Variants in CDH26 observed in about 807,000 individuals in gnomAD.
CDH26 encodes cadherin-like protein 26.
Under a neutral mutation model 90.3 loss-of-function variants are expected in CDH26, and 83 were observed. That is an observed-to-expected ratio of 0.92 (90% confidence interval 0.77 to 1.10). The LOEUF (loss-of-function observed/expected upper bound fraction) is 1.10. Among genes scored for constraint, CDH26 ranks in the 50% least tolerant of loss-of-function variants. CDH26 has a pLI of 0.00. For synonymous variants in CDH26, 397 were observed against 396.3 expected, an observed-to-expected ratio of 1.00 and a Z score of -0.02; for missense variants, 1,013 against 1,037.6, an observed-to-expected ratio of 0.98 and a Z score of 0.33.
At chr20:59,967,929 C>T (rs1311288602) in intron 1 of CDH26, among the ~76,000 whole-genome samples, 2 of 129,406 alleles carry the variant, frequency 1.5e-5, no homozygotes, top group African/African-American at 6.5e-5. Flanking sequence ...CTTTCCTTTC[C>T]TTTCCCTTTC....
rs775022806 is a variant in CDH26 at position 59,999,589 on chromosome 20, T to C, written c.2023T>C (p.Trp675Arg). The C allele has an allele frequency of 1.9e-6, 3 of 1,613,852 alleles. No individual in the cohort carries two copies. The highest frequency in any genetic ancestry group is 8.5e-7 in the Non-Finnish European group (1 of 1,179,754). ...TTTCTTTCTCTGTGTTCTACAGACA[T>C]GGTCAGATGTTGAAGGCCAGAGGCC... Reference protein sequence around the residue: ...AESKGTSAQTWSDVEGQRPAL... With the variant: ...AESKGTSAQTRSDVEGQRPAL... The change falls in exon 14 of 18, where the codon TGG becomes CGG. Residue 675 changes from tryptophan to arginine, a missense_variant. By Grantham distance (101) the Trp-to-Arg change is moderately radical (BLOSUM62 -3). Transcript: ENST00000348616.
intron 17 of CDH26, among the ~76,000 whole-genome samples, chr20:60,008,666 T>C (rs1224629721): frequency 6.6e-6 from 1 of 152,168 alleles, no homozygotes; most frequent in Non-Finnish European, 1.5e-5. Context: ...GCCCAGACTG[T>C]GTCTGGATGT....
Position 59,976,149 on chromosome 20 carries a change from G to A in CDH26, c.393+4026G>A, listed in dbSNP as rs187601952. 9.2e-5 allele frequency among the ~76,000 whole-genome samples: 14 copies of A among 152,224 alleles called. No homozygotes were observed. The East Asian group carries it at 1.4e-3, about 15-fold the overall frequency. On this transcript the variant is annotated intron_variant, in intron 4 of 17. Transcript: ENST00000348616. ...AGCGATTTTGTGTTGTGCATTTGGCGCTGAAGGTGTTCCTATGTGCTCATT... is the reference window on the plus strand; with the variant it reads ...AGCGATTTTGTGTTGTGCATTTGGCACTGAAGGTGTTCCTATGTGCTCATT...
chr20:59,969,195 AG>A (rs1486250877), intron 2 of CDH26, among the ~76,000 whole-genome samples, 172 bp downstream of exon 2: 9 of 152,232 alleles, frequency 5.9e-5, no homozygotes, highest in African/African-American at 1.9e-4. Context: ...AGAGAGTTGC[AG>A]GTGATGCTTT....
At chr20:59,968,247 G>A (rs1294625150) in intron 1 of CDH26, among the ~76,000 whole-genome samples, 3 of 151,758 alleles carry the variant, frequency 2.0e-5, no homozygotes, top group Non-Finnish European at 4.4e-5. Flanking sequence ...ACAGGCGCGT[G>A]CCACCATGGC....
intron 7 of CDH26, among the ~76,000 whole-genome samples, chr20:59,986,838 AG>A (rs144441637): frequency 0.016 from 2,447 of 152,338 alleles, 66 homozygotes; most frequent in African/African-American, 0.054. Flanking sequence ...TGCAAACCAA[AG>A]CACCTCACCA....
intron 16 of CDH26, among the ~76,000 whole-genome samples, chr20:60,005,962 G>A (rs1198274841): frequency 1.3e-5 from 2 of 152,182 alleles, no homozygotes; most frequent in East Asian, 1.9e-4. Flanking sequence ...GGCCTGTGCT[G>A]TTTCTTCTCA....
Position 60,014,011 on chromosome 20 carries a change from G to GCC in CDH26, c.*1281_*1282insCC, listed in dbSNP as rs1555902639. 1 of 83,892 alleles carries GCC rather than the reference G, an allele frequency of 1.2e-5. No individual in the cohort carries two copies. Among genetic ancestry groups the GCC allele is most frequent in the Non-Finnish European group, 3.2e-5 (1 of 31,192 alleles). 5.2% of individuals were successfully genotyped at this position (83,892 alleles called of 1,614,324 possible). ...ATTTTCTGGGTAATTCAGGATAAAAGTATTTTTTTTTTTAAGAAAAATACA... is the reference window on the plus strand; with the variant it reads ...ATTTTCTGGGTAATTCAGGATAAAAGCCTATTTTTTTTTTTAAGAAAAATACA... On this transcript the variant is annotated 3_prime_UTR_variant, in exon 18 of 18. Coordinates refer to ENST00000348616, the MANE Select transcript of CDH26 (RefSeq NM_177980.4).
chr20:59,972,768 C>T (rs755230150), intron 4 of CDH26, among the ~76,000 whole-genome samples: 2 of 152,144 alleles, frequency 1.3e-5, no homozygotes, highest in Non-Finnish European at 2.9e-5. Context: ...GGGCTTGGTT[C>T]TCAGGCGTGC....
intron 3 of CDH26, among the ~76,000 whole-genome samples, chr20:59,971,085 A>G (rs2061255701): frequency 6.6e-6 from 1 of 152,122 alleles, no homozygotes; most frequent in South Asian, 2.1e-4. Flanking sequence ...CATGTTGTTT[A>G]TTTCCACTAC....
chr20:60,031,254 C>A (rs1458703487), exon 8 of CDH26: 1 of 1,235,674 alleles, frequency 8.1e-7, no homozygotes, highest in Non-Finnish European at 1.0e-6. Context: ...ATCGCTTCAG[C>A]CTCAGCAGGG....
At position 59,990,538 on chromosome 20, in the gene CDH26, G is replaced by A. The variant is rs543248302; in HGVS notation, c.1283+1375G>A. Among the ~76,000 whole-genome samples the A allele has an allele frequency of 3.3e-5, 5 of 152,274 alleles. No homozygotes were observed. In the South Asian group the frequency reaches 8.3e-4, roughly 25 times the overall value. On this transcript the variant is annotated intron_variant, in intron 9 of 17. Coordinates refer to ENST00000348616, the MANE Select transcript of CDH26 (RefSeq NM_177980.4). ...ACTTCTCAACTTATCTGTTGGGAAT[G>A]GCTAGATTTTTTAAAAATTTACAAT...
At position 59,982,923 on chromosome 20, in the gene CDH26, G is replaced by A. The variant is rs2061411013; in HGVS notation, c.394G>A (p.Val132Ile). The change falls in exon 5 of 18, where the codon GTT becomes ATT. Residue 132 changes from valine (V) to isoleucine (I), a missense_variant and splice_region_variant. Val to Ile is a conservative substitution (Grantham distance 29, BLOSUM62 3). Transcript: ENST00000348616. Reference protein sequence around the residue: ...VDREMTPSFTVYFDVVERSTG... With the variant: ...VDREMTPSFTIYFDVVERSTG... ...ATTTTTACAGCTCTCTGCTTCCTAG[G>A]TTTATTTTGATGTTGTGGAGCGCTC... 4 of 1,612,964 alleles carry A rather than the reference G, an allele frequency of 2.5e-6. No homozygotes were observed. In the Admixed American group the frequency reaches 6.7e-5, roughly 27 times the overall value.
chr20:59,998,671 C>T (rs901361109), intron 13 of CDH26, among the ~76,000 whole-genome samples: 11 of 152,200 alleles, frequency 7.2e-5, no homozygotes, highest in Non-Finnish European at 1.0e-4. Flanking sequence ...TGGAATTCAA[C>T]AGACCTGGGT....
intron 12 of CDH26, 110 bp from the exon 13 acceptor site, chr20:59,996,521 T>C: frequency 6.2e-7 from 1 of 1,613,846 alleles, no homozygotes; most frequent in Non-Finnish European, 8.5e-7. Flanking sequence ...AGACGCAATT[T>C]GGCCTTGCCA....
chr20:59,962,653 G>C (rs1212688973), intron 1 of CDH26, among the ~76,000 whole-genome samples: 1 of 152,182 alleles, frequency 6.6e-6, no homozygotes, highest in Non-Finnish European at 1.5e-5. Context: ...TGGGAATTAA[G>C]TCTTCAATAT....
chr20:59,983,384 T>A (rs562379364), intron 5 of CDH26, among the ~76,000 whole-genome samples: 2 of 152,324 alleles, frequency 1.3e-5, no homozygotes, highest in East Asian at 3.9e-4. Context: ...GCACATTTTT[T>A]GTCTGTAAAA....
In CDH26 at chr20:60,031,148, G is replaced by A. The variant is rs544610237; in HGVS notation, c.948-83G>A. The A allele has an allele frequency of 3.6e-5, 37 of 1,030,492 alleles. No homozygotes were observed. The East Asian group carries it at 1.9e-3, about 53-fold the overall frequency. The allele number at this position is 1,030,492 out of a possible 1,614,324, so 63.8% of individuals were successfully genotyped here. Reference sequence around the variant, plus strand: ...ATTTGTAAACTGTCATGGTGCTGGCGGGAATGTAGCAGTGGGGATGAACTG... The same window carrying A: ...ATTTGTAAACTGTCATGGTGCTGGCAGGAATGTAGCAGTGGGGATGAACTG... On this transcript the variant is annotated intron_variant, in intron 7 of 8. Transcript: ENST00000370991.
chr20:59,967,320 A>G (rs2061161983), intron 1 of CDH26, among the ~76,000 whole-genome samples: 2 of 152,120 alleles, frequency 1.3e-5, no homozygotes, highest in African/African-American at 4.8e-5. Flanking sequence ...GTCATTCTCT[A>G]TTTCTTTCTG....
Sources: gnomAD v4.1 joint callset for allele counts (sites outside exome capture counted in the v4.1 genomes callset) on GRCh38, gnomAD v4.1.1 for gene constraint, MANE v1.5 for transcripts, NCBI Gene and HGNC (gene_info 2026-07-23, HGNC 2026-07-21) for gene names.